MDGA2: variants seen among roughly 807,000 people sequenced by gnomAD.
MDGA2 encodes the protein MAM domain containing glycosylphosphatidylinositol anchor 2, also known as MAM domain-containing glycosylphosphatidylinositol anchor protein 2.
In MDGA2, 40 loss-of-function variants were observed where a neutral mutation model predicts 117.8. That is an observed-to-expected ratio of 0.34 (90% CI 0.26 to 0.44). The LOEUF (loss-of-function observed/expected upper bound fraction) is 0.44. MDGA2 is among the 20% of genes least tolerant of loss of function. The pLI is 1.00. For synonymous variants in MDGA2, 452 were observed against 439.0 expected, an observed-to-expected ratio of 1.03 and a Z score of -0.37; for missense variants, 1,123 against 1,250.6, an observed-to-expected ratio of 0.90 and a Z score of 1.54.
intron 10 of MDGA2, among the ~76,000 whole-genome samples, chr14:46,904,681 T>C (rs1883422031): frequency 6.6e-6 from 1 of 152,230 alleles, no homozygotes; most frequent in East Asian, 1.9e-4. Context: ...ATGTCTGTAC[T>C]ACACAAGCTA....
intron 1 of MDGA2, among the ~76,000 whole-genome samples, chr14:47,554,723 C>T (rs943402175): frequency 1.3e-5 from 2 of 152,118 alleles, no homozygotes; most frequent in African/African-American, 4.8e-5. Context: ...AATCCACTAC[C>T]TCTAAACTTT....
chr14:47,223,972 T>TG (rs1886390105), intron 2 of MDGA2, among the ~76,000 whole-genome samples: 2 of 152,142 alleles, frequency 1.3e-5, no homozygotes, highest in Admixed American at 6.5e-5. Flanking sequence ...GAGAACAGCA[T>TG]GGGGGTAACC....
intron 8 of MDGA2, among the ~76,000 whole-genome samples, chr14:47,023,197 G>GCA (rs1435992503): frequency 1.7e-4 from 12 of 69,628 alleles, no homozygotes; most frequent in Admixed American, 3.3e-4. Flanking sequence ...ATTCCCACTC[G>GCA]TAAAAAAAAA....
chr14:47,313,155 C>T (rs569350000), intron 1 of MDGA2, among the ~76,000 whole-genome samples: 448 of 151,902 alleles, frequency 2.9e-3, no homozygotes, highest in Non-Finnish European at 4.2e-3. Flanking sequence ...ATTTTAACCC[C>T]GAAGAAGTGA....
At chr14:47,044,145 AAAG>A (rs1889174276) in intron 7 of MDGA2, among the ~76,000 whole-genome samples, 1 of 152,072 alleles carries the variant, frequency 6.6e-6, no homozygotes, top group African/African-American at 2.4e-5. Context: ...CTAAGCAACC[AAAG>A]TAAGAAAACC....
At chr14:47,613,315 C>T (rs1896886285) in intron 1 of MDGA2, among the ~76,000 whole-genome samples, 1 of 152,118 alleles carries the variant, frequency 6.6e-6, no homozygotes, top group African/African-American at 2.4e-5. Flanking sequence ...ATGAATTCTA[C>T]ATCTGAACAC....
chr14:47,649,570 A>T (rs1897599077), intron 1 of MDGA2, among the ~76,000 whole-genome samples: 1 of 152,150 alleles, frequency 6.6e-6, no homozygotes, highest in South Asian at 2.1e-4. Context: ...CTGTAATTCC[A>T]GCTACTCAGG....
At chr14:47,637,169 T>C (rs1431181603) in intron 1 of MDGA2, among the ~76,000 whole-genome samples, 2 of 152,154 alleles carry the variant, frequency 1.3e-5, no homozygotes, top group Non-Finnish European at 2.9e-5. Context: ...TCATAAAACA[T>C]ACTTATGGAT....
At chr14:47,523,283 A>ACCATACT (rs1894906724) in intron 1 of MDGA2, among the ~76,000 whole-genome samples, 1 of 152,242 alleles carries the variant, frequency 6.6e-6, no homozygotes, top group African/African-American at 2.4e-5. Context: ...AACCTACGTT[A>ACCATACT]ATTAGAATCA....
chr14:47,394,908 T>A (rs949408580), intron 1 of MDGA2, among the ~76,000 whole-genome samples: 2 of 152,042 alleles, frequency 1.3e-5, no homozygotes, highest in African/African-American at 4.8e-5. Context: ...ATCCCAGCAA[T>A]CTGGGAGGCT....
chr14:47,467,189 G>A (rs571263851), intron 1 of MDGA2, among the ~76,000 whole-genome samples: 1 of 152,088 alleles, frequency 6.6e-6, no homozygotes, highest in Non-Finnish European at 1.5e-5. Context: ...AATAAGGCTG[G>A]AAGTTAGAGG....
chr14:47,285,558 G>C (rs1594773145), intron 2 of MDGA2, among the ~76,000 whole-genome samples: 1 of 152,216 alleles, frequency 6.6e-6, no homozygotes, highest in Non-Finnish European at 1.5e-5. Context: ...GTAATGTAGA[G>C]GGTTTAAAGC....
At chr14:47,020,557 G>A (rs1193174994) in intron 8 of MDGA2, among the ~76,000 whole-genome samples, 1 of 151,828 alleles carries the variant, frequency 6.6e-6, no homozygotes, top group Non-Finnish European at 1.5e-5. Flanking sequence ...ATGAATGTAT[G>A]TGTGTGTATG....
intron 1 of MDGA2, among the ~76,000 whole-genome samples, chr14:47,392,125 C>T (rs544917976): frequency 2.0e-5 from 3 of 151,456 alleles, no homozygotes; most frequent in East Asian, 1.9e-4. Context: ...AAATGGAAGG[C>T]GTATGTAAAG....
Position 47,018,143 on chromosome 14 carries a change from G to T in MDGA2, c.1819+16868C>A, listed in dbSNP as rs190843671. ...CATAATTTTTTTTTCTGGGGTAATT[G>T]ACTTTTTTTTTCCCCCCGTTCTTTT... is the stretch of plus-strand genomic sequence containing the variant. On this transcript the variant is annotated intron_variant, in intron 8 of 16. Coordinates refer to ENST00000399232, the MANE Select transcript of MDGA2 (RefSeq NM_001113498.3). Among the ~76,000 whole-genome samples the T allele has an allele frequency of 5.2e-3, 624 of 118,884 alleles. 4 individuals carry two copies. The highest frequency in any genetic ancestry group is 8.7e-3 in the Non-Finnish European group (456 of 52,332). 78.0% of individuals were successfully genotyped at this position (118,884 alleles called of 152,430 possible). A position where few individuals can be genotyped will look rare whatever the true frequency, so the allele number is the denominator to read the frequency against.
At chr14:47,133,361 A>C (rs1594655612) in intron 4 of MDGA2, among the ~76,000 whole-genome samples, 2 of 152,016 alleles carry the variant, frequency 1.3e-5, no homozygotes, top group Middle Eastern at 3.4e-3. Context: ...AGAATTAGTC[A>C]ACTCAGATAA....
intron 12 of MDGA2, among the ~76,000 whole-genome samples, chr14:46,875,930 AT>A (rs1161571396): frequency 2.0e-5 from 3 of 151,440 alleles, no homozygotes; most frequent in African/African-American, 7.2e-5. Flanking sequence ...TTTTTTCGTA[AT>A]TTAAACTTGG....
chr14:47,192,147 G>A (rs1885136955), intron 3 of MDGA2, among the ~76,000 whole-genome samples: 1 of 152,204 alleles, frequency 6.6e-6, no homozygotes, highest in African/African-American at 2.4e-5. Context: ...GTGTGAGATG[G>A]ACTAAGAGAA....
At chr14:47,198,716 T>C (rs1566676843) in intron 3 of MDGA2, among the ~76,000 whole-genome samples, 1 of 152,200 alleles carries the variant, frequency 6.6e-6, no homozygotes, top group African/African-American at 2.4e-5. Flanking sequence ...TTTTATTTTA[T>C]AAGTCTTTTA....
Sources: allele counts gnomAD v4.1 joint callset (sites outside exome capture counted in the v4.1 genomes callset), GRCh38; gene constraint gnomAD v4.1.1; transcripts MANE v1.5; gene names NCBI Gene and HGNC (gene_info 2026-07-23, HGNC 2026-07-21).